Variants in HTR2C observed in about 807,000 individuals in gnomAD.
HTR2C encodes the protein 5-hydroxytryptamine receptor 2C.
In HTR2C, 5 loss-of-function variants were observed where a neutral mutation model predicts 21.0. The observed-to-expected ratio is 0.24, with a 90% CI of 0.12 to 0.50. The LOEUF is 0.50. HTR2C is among the 20% of genes least tolerant of loss of function. HTR2C has a pLI of 0.98. For synonymous variants in HTR2C, 150 were observed against 145.3 expected (o/e 1.03, Z -0.23); for missense variants, 271 against 371.2 (o/e 0.73, Z 2.22).
chrX:114,848,673 C>A (rs1157121454), intron 5 of HTR2C, among the ~76,000 whole-genome samples: 1 of 110,989 alleles, frequency 9.0e-6, no homozygotes, highest in African/African-American at 3.3e-5. Context: ...AAATCATCAT[C>A]AAGTAAATAT....
intron 4 of HTR2C, among the ~76,000 whole-genome samples, chrX:114,782,776 A>T (rs782378965): frequency 8.9e-6 from 1 of 112,005 alleles, no homozygotes; most frequent in African/African-American, 3.2e-5. Flanking sequence ...AAGATAAAAT[A>T]CAAGGCAAGA....
chrX:114,587,094 G>A (rs1222842952), intron 1 of HTR2C, among the ~76,000 whole-genome samples: 3 of 111,621 alleles, frequency 2.7e-5, no homozygotes, highest in Non-Finnish European at 5.6e-5. Context: ...TCAAGGAAAC[G>A]TCATCCCTCT....
chrX:114,721,804 G>A (rs113831179), intron 2 of HTR2C, among the ~76,000 whole-genome samples: 4 of 110,215 alleles, frequency 3.6e-5, no homozygotes, highest in Non-Finnish European at 5.7e-5. Context: ...TTTTTCTCAG[G>A]TTTGTCAAAG....
At chrX:114,748,899 A>T (rs2069730655) in intron 4 of HTR2C, among the ~76,000 whole-genome samples, 1 of 111,719 alleles carries the variant, frequency 9.0e-6, no homozygotes, top group African/African-American at 3.3e-5. Context: ...ATCAAAATTA[A>T]AAGCTTTTGC....
At chrX:114,726,762 A>T (rs183072892) in intron 2 of HTR2C, 96 bp from the exon 3 acceptor site, 47 of 381,134 alleles carry the variant, frequency 1.2e-4, no homozygotes, top group African/African-American at 1.1e-3. Context: ...ACTGTTTCTT[A>T]TCACCATTAA....
intron 4 of HTR2C, among the ~76,000 whole-genome samples, chrX:114,781,930 T>A (rs2070123033): frequency 9.1e-6 from 1 of 109,975 alleles, no homozygotes; most frequent in Non-Finnish European, 1.9e-5. Flanking sequence ...ATAGTTAGAA[T>A]TTTCTGGAGA....
intron 5 of HTR2C, among the ~76,000 whole-genome samples, chrX:114,884,880 T>G (rs1389155056): frequency 8.9e-6 from 1 of 111,851 alleles, no homozygotes; most frequent in Non-Finnish European, 1.9e-5. Context: ...TGTACTTCCA[T>G]TTTTTTATGT....
Position 114,909,915 on chromosome X carries a change from T to C in HTR2C, c.*2500T>C, listed in dbSNP as rs1164143334. ...GTAAGACACGTGCAACAGACTGCCT[T>C]ATATTATTTTCTGTAATTCTTCTCC... On this transcript the variant is annotated 3_prime_UTR_variant, in exon 6 of 6. Coordinates refer to ENST00000276198, the MANE Select transcript of HTR2C (RefSeq NM_000868.4). 8.9e-6 allele frequency: 1 copy of C among 112,555 alleles called. No individual in the cohort carries two copies. Among genetic ancestry groups the C allele is most frequent in the Non-Finnish European group, 1.9e-5 (1 of 53,267 alleles). 9.3% of individuals were successfully genotyped at this position (112,555 alleles called of 1,213,427 possible). A position where few individuals can be genotyped will look rare whatever the true frequency, so the allele number is the denominator to read the frequency against.
chrX:114,724,681 T>C (rs1933376196), intron 2 of HTR2C, among the ~76,000 whole-genome samples: 1 of 107,388 alleles, frequency 9.3e-6, no homozygotes, highest in Admixed American at 1.0e-4. Flanking sequence ...GTTTAGCCCT[T>C]CCTTCAGGAG....
intron 4 of HTR2C, among the ~76,000 whole-genome samples, chrX:114,738,600 A>G (rs2069613611): frequency 2.7e-5 from 3 of 110,249 alleles, no homozygotes; most frequent in Non-Finnish European, 5.7e-5. Flanking sequence ...GAACACATGG[A>G]CACAGGGAGG....
chrX:114,753,118 T>TC (rs2069777953), intron 4 of HTR2C, among the ~76,000 whole-genome samples: 2 of 108,353 alleles, frequency 1.8e-5, no homozygotes, highest in African/African-American at 6.7e-5. Flanking sequence ...TGTGGTTTTT[T>TC]TTTATCTCCA....
At position 114,908,630 on chromosome X, in the gene HTR2C, G is replaced by T. The variant is rs200596497; in HGVS notation, c.*1215G>T. 1 of 112,696 alleles carries T rather than the reference G, an allele frequency of 8.9e-6. No homozygotes were observed. Among genetic ancestry groups the T allele is most frequent in the Non-Finnish European group, 1.9e-5 (1 of 53,280 alleles). 9.3% of individuals were successfully genotyped at this position (112,696 alleles called of 1,213,427 possible). On this transcript the variant is annotated 3_prime_UTR_variant, in exon 6 of 6. Coordinates refer to ENST00000276198, the MANE Select transcript of HTR2C (RefSeq NM_000868.4). The stretch of plus-strand genomic sequence containing the variant: ...AAACTCTCTAGTGCAGGAAAAGGCT[G>T]CAGCTAATTTGTGAAAGTGGCAAGC...
chrX:114,863,252 C>A (rs1199441095), intron 5 of HTR2C, among the ~76,000 whole-genome samples: 6 of 111,017 alleles, frequency 5.4e-5, no homozygotes, highest in Non-Finnish European at 9.5e-5. Context: ...ATTTTTAGTT[C>A]TTTCAGGAAC....
Position 114,726,319 on chromosome X carries a change from A to G in HTR2C, c.-79-539A>G, listed in dbSNP as rs184214417. Among the ~76,000 whole-genome samples the G allele has an allele frequency of 2.6e-3, 297 of 112,501 alleles. 1 individual carries two copies. The highest frequency in any genetic ancestry group is 9.0e-3 in the African/African-American group (278 of 30,993). On this transcript the variant is annotated intron_variant, in intron 2 of 5. Coordinates refer to ENST00000276198, the MANE Select transcript of HTR2C (RefSeq NM_000868.4). ...ACCCCTTTGTTTGACTAGGAAAGGG[A>G]ACTCCCTGACCCCTTGCACTTCCCA...
At chrX:114,679,348 G>A (rs931955935) in intron 2 of HTR2C, among the ~76,000 whole-genome samples, 28 of 109,840 alleles carry the variant, frequency 2.5e-4, no homozygotes, top group African/African-American at 9.0e-4. Context: ...GTGTGATTTC[G>A]GCTCACTGAA....
At chrX:114,776,280 C>G in intron 4 of HTR2C, 1 of 591,028 alleles carries the variant, frequency 1.7e-6, no homozygotes, top group African/African-American at 2.2e-5. Flanking sequence ...ACATTGAGAC[C>G]AGCAATAGTT....
At chrX:114,603,975 A>G (rs782090943) in intron 1 of HTR2C, among the ~76,000 whole-genome samples, 4 of 104,761 alleles carry the variant, frequency 3.8e-5, no homozygotes, top group African/African-American at 1.0e-4. Flanking sequence ...ATAGGCTTTA[A>G]AAGGCCATGC....
rs782282180 is a variant in HTR2C at position 114,631,306 on chromosome X, G to GA, written c.-80+17441dup. ...TGACAGAGCGAGACTCCGTCTCAAAGAAAAAAAAAAAAAAAAGTGACTATG... is the reference window on the plus strand; with the variant it reads ...TGACAGAGCGAGACTCCGTCTCAAAGAAAAAAAAAAAAAAAAAGTGACTATG... On this transcript the variant is annotated intron_variant, in intron 2 of 5. Transcript: ENST00000276198. Among the ~76,000 whole-genome samples, 565 of 89,551 alleles carry GA rather than the reference G, an allele frequency of 6.3e-3. 4 individuals are homozygous for GA. The highest frequency in any genetic ancestry group is 0.021 in the African/African-American group (520 of 24,203). 77.8% of individuals were successfully genotyped at this position (89,551 alleles called of 115,157 possible). A position where few individuals can be genotyped will look rare whatever the true frequency, so the allele number is the denominator to read the frequency against.
chrX:114,784,061 G>A (rs1303999785), intron 4 of HTR2C, among the ~76,000 whole-genome samples: 2 of 103,810 alleles, frequency 1.9e-5, no homozygotes, highest in East Asian at 3.0e-4. Context: ...ATAGAATGGA[G>A]ACAATGATAA....
Sources: gnomAD v4.1 joint callset for allele counts (sites outside exome capture counted in the v4.1 genomes callset) on GRCh38, gnomAD v4.1.1 for gene constraint, MANE v1.5 for transcripts, NCBI Gene and HGNC (gene_info 2026-07-23, HGNC 2026-07-21) for gene names.